The following TRIO variants were observed in gnomAD, a reference collection of about 807,000 sequenced individuals.
The protein encoded by TRIO is trio Rho guanine nucleotide exchange factor.
A neutral mutation model predicts 351.9 loss-of-function variants in TRIO; 58 were observed. That is an observed-to-expected ratio of 0.16 (90% confidence interval 0.13 to 0.21). TRIO has a LOEUF of 0.21. TRIO is among the 10% of genes least tolerant of loss of function. The pLI is 1.00. For missense variants in TRIO, 3,201 were observed against 4,027.8 expected (o/e 0.79, Z 5.56); for synonymous variants, 1,758 against 1,595.7 (o/e 1.10, Z -2.42).
intron 1 of TRIO, among the ~76,000 whole-genome samples, chr5:14,232,783 G>A (rs922832011): frequency 9.2e-5 from 14 of 152,234 alleles, no homozygotes; most frequent in African/African-American, 2.4e-4. Context: ...TAATGTACAC[G>A]CATATTGTAA....
intron 8 of TRIO, among the ~76,000 whole-genome samples, chr5:14,313,681 C>T (rs1739125637): frequency 6.6e-6 from 1 of 152,104 alleles, no homozygotes; most frequent in South Asian, 2.1e-4. Context: ...TCTGTGTTGC[C>T]TTTTTTAGCA....
chr5:14,231,816 G>A (rs1793448089), intron 1 of TRIO, among the ~76,000 whole-genome samples: 2 of 150,712 alleles, frequency 1.3e-5, no homozygotes, highest in East Asian at 1.9e-4. Flanking sequence ...TCCTTGGAGA[G>A]TCTTACATAG....
intron 11 of TRIO, 146 bp downstream of exon 11, chr5:14,336,873 C>T (rs531662175): frequency 7.0e-5 from 60 of 853,698 alleles, no homozygotes; most frequent in Non-Finnish European, 9.6e-5. Context: ...AGTGTGTCTG[C>T]GTGGACAGGG....
At position 14,482,787 on chromosome 5, in the gene TRIO, CTG is replaced by C. The variant is rs767620987; in HGVS notation, c.6657+19_6657+20del. ...AACAGTATCAAGGTAACGTGTGTCT[CTG>C]TGTGATTTCTCTGTGCCAGCGCATG... is the stretch of plus-strand genomic sequence containing the variant. On this transcript the variant is annotated intron_variant, in intron 46 of 56. Coordinates refer to ENST00000344204, the MANE Select transcript of TRIO (RefSeq NM_007118.4). 1.0e-5 allele frequency: 16 copies of C among 1,536,688 alleles called. No individual in the cohort carries two copies. In the East Asian group the frequency reaches 2.9e-4, roughly 27 times the overall value.
At chr5:14,215,265 T>G (rs1232854029) in intron 1 of TRIO, among the ~76,000 whole-genome samples, 1 of 152,254 alleles carries the variant, frequency 6.6e-6, no homozygotes, top group Non-Finnish European at 1.5e-5. Context: ...AAGAGATGGT[T>G]GAATTGTGGC....
Position 14,488,046 on chromosome 5 carries a change from T to TC in TRIO, c.7425dup (p.Ser2476GlnfsTer49), listed in dbSNP as rs774597492. ...GTCCCTTCTCTCGGCAAGGAGCCCTTCCCCCCCAGCAGCCCCCTGCAGAAG... is the reference window on the plus strand; with the variant it reads ...GTCCCTTCTCTCGGCAAGGAGCCCTTCCCCCCCCAGCAGCCCCCTGCAGAAG... On this transcript the variant is annotated frameshift_variant, in exon 48 of 57. Transcript: ENST00000344204. LOFTEE classifies it high-confidence loss of function. 5 of 1,606,842 alleles carry TC rather than the reference T, an allele frequency of 3.1e-6. No homozygotes were observed. Among genetic ancestry groups the TC allele is most frequent in the South Asian group, 1.1e-5 (1 of 90,280 alleles).
intron 10 of TRIO, among the ~76,000 whole-genome samples, chr5:14,334,729 C>A (rs1007202234): frequency 1.3e-5 from 2 of 152,216 alleles, no homozygotes; most frequent in Non-Finnish European, 2.9e-5. Context: ...CACAGGAGTT[C>A]CGAGGTGACG....
chr5:14,509,451 C>T lies in TRIO; in HGVS notation c.*1029C>T, dbSNP rs779987387. ...GTGCCATCGGTTCAAAGAGACTTTT[C>T]GTGAAATTTGTTGGTTTTGAGGACT... On this transcript the variant is annotated 3_prime_UTR_variant, in exon 57 of 57. Coordinates refer to ENST00000344204, the MANE Select transcript of TRIO (RefSeq NM_007118.4). The T allele has an allele frequency of 1.3e-5, 6 of 466,280 alleles. No individual in the cohort carries two copies. The highest frequency in any genetic ancestry group is 3.9e-5 in the African/African-American group (2 of 50,996). 28.9% of individuals were successfully genotyped at this position (466,280 alleles called of 1,614,324 possible).
At chr5:14,292,836 A>G (rs1273416743) in intron 5 of TRIO, among the ~76,000 whole-genome samples, 176 bp from the exon 6 acceptor site, 1 of 152,234 alleles carries the variant, frequency 6.6e-6, no homozygotes, top group Non-Finnish European at 1.5e-5. Context: ...TAGGTCCTGC[A>G]AGTTCAGAAC....
intron 21 of TRIO, among the ~76,000 whole-genome samples, chr5:14,384,478 G>T (rs765756848): frequency 6.6e-6 from 1 of 152,038 alleles, no homozygotes; most frequent in South Asian, 2.1e-4. Flanking sequence ...GCACTGTAAC[G>T]ATCTCTAGAG....
intron 1 of TRIO, among the ~76,000 whole-genome samples, chr5:14,149,577 G>T (rs1054153400): frequency 1.3e-5 from 2 of 152,286 alleles, no homozygotes; most frequent in Middle Eastern, 3.4e-3. Context: ...CTACGAGCGG[G>T]GGGCAGAGGG....
intron 34 of TRIO, among the ~76,000 whole-genome samples, chr5:14,427,834 A>G (rs1750777471): frequency 6.6e-6 from 1 of 152,114 alleles, no homozygotes; most frequent in Admixed American, 6.5e-5. Flanking sequence ...CATGCCACAG[A>G]CCCACCTTCT....
At chr5:14,484,700 T>G (rs1445527462) in intron 46 of TRIO, among the ~76,000 whole-genome samples, 2 of 152,228 alleles carry the variant, frequency 1.3e-5, no homozygotes, top group Non-Finnish European at 2.9e-5. Flanking sequence ...CACCATCATC[T>G]GTCTTCACAA....
chr5:14,309,809 T>A (rs1169230759), intron 8 of TRIO, among the ~76,000 whole-genome samples: 4 of 152,232 alleles, frequency 2.6e-5, no homozygotes, highest in Non-Finnish European at 2.9e-5. Context: ...TGCTTTTTTT[T>A]ATTTCCTTTT....
intron 1 of TRIO, among the ~76,000 whole-genome samples, chr5:14,210,909 C>G (rs1380659574): frequency 2.0e-5 from 3 of 151,500 alleles, no homozygotes; most frequent in African/African-American, 7.3e-5. Context: ...CTCCTTTCAC[C>G]CTTCTCCTCT....
At chr5:14,450,484 A>T (rs1752776750) in intron 34 of TRIO, among the ~76,000 whole-genome samples, 1 of 152,118 alleles carries the variant, frequency 6.6e-6, no homozygotes, top group South Asian at 2.1e-4. Flanking sequence ...GTTCTTCATT[A>T]CAGCATGAGC....
At chr5:14,248,649 C>T (rs1794576341) in intron 1 of TRIO, among the ~76,000 whole-genome samples, 1 of 152,186 alleles carries the variant, frequency 6.6e-6, no homozygotes, top group African/African-American at 2.4e-5. Flanking sequence ...CAAGTGCTGC[C>T]CACCTATCTT....
intron 8 of TRIO, among the ~76,000 whole-genome samples, chr5:14,313,217 C>T (rs781225420): frequency 5.9e-5 from 9 of 152,172 alleles, no homozygotes; most frequent in Non-Finnish European, 1.2e-4. Context: ...ACACATTAAT[C>T]CCTGCTTATG....
chr5:14,404,827 G>A (rs568579803), intron 31 of TRIO, among the ~76,000 whole-genome samples: 2 of 152,246 alleles, frequency 1.3e-5, no homozygotes, highest in East Asian at 3.9e-4. Context: ...GGTTTCTGTA[G>A]AAAGAGGATG....
Sources: allele counts gnomAD v4.1 joint callset (sites outside exome capture counted in the v4.1 genomes callset), GRCh38; gene constraint gnomAD v4.1.1; transcripts MANE v1.5; gene names NCBI Gene and HGNC (gene_info 2026-07-23, HGNC 2026-07-21).